Variants in CLSPN observed in about 807,000 individuals in gnomAD.
The protein encoded by CLSPN is claspin homolog.
In CLSPN, 85 loss-of-function variants were observed where a neutral mutation model predicts 156.3. That is an observed-to-expected ratio of 0.54 (90% CI 0.46 to 0.65). The LOEUF (loss-of-function observed/expected upper bound fraction) is 0.65. CLSPN is among the 30% of genes least tolerant of loss of function. The pLI is 0.00. For synonymous variants in CLSPN, 534 were observed against 542.4 expected (o/e 0.98, Z 0.22); for missense variants, 1,407 against 1,554.9 (o/e 0.90, Z 1.60).
intron 10 of CLSPN, among the ~76,000 whole-genome samples, chr1:35,750,264 G>A (rs1344368563): frequency 5.9e-5 from 9 of 151,900 alleles, no homozygotes; most frequent in Admixed American, 2.6e-4. Context: ...AGGCCACAAC[G>A]ATGGGAGGAT....
chr1:35,763,948 G>A (rs944202673), intron 3 of CLSPN, among the ~76,000 whole-genome samples: 54 of 151,630 alleles, frequency 3.6e-4, no homozygotes, highest in Non-Finnish European at 1.2e-4. Context: ...CTGGGACTAC[G>A]GCCACCACAC....
intron 24 of CLSPN, among the ~76,000 whole-genome samples, chr1:35,722,253 C>CTTT (rs568124252): frequency 1.3e-4 from 16 of 124,650 alleles, no homozygotes; most frequent in East Asian, 7.9e-4. Flanking sequence ...CTAGTTATTC[C>CTTT]TTTTTTTTTT....
In CLSPN at chr1:35,732,125, G is replaced by A; in HGVS notation, c.*4371C>T. ...AAACAGAGGCTCTGAAAGGTGTAGTGTTATTTATTCAAACTGTGGTAGGCA... is the reference window on the plus strand; with the variant it reads ...AAACAGAGGCTCTGAAAGGTGTAGTATTATTTATTCAAACTGTGGTAGGCA... On this transcript the variant is annotated 3_prime_UTR_variant, in exon 25 of 25. Coordinates refer to ENST00000318121, the MANE Select transcript of CLSPN (RefSeq NM_022111.4). 1.0e-6 allele frequency: 1 copy of A among 979,368 alleles called. No individual in the cohort carries two copies. The highest frequency in any genetic ancestry group is 1.2e-6 in the Non-Finnish European group (1 of 824,422). The allele number at this position is 979,368 out of a possible 1,614,324, so 60.7% of individuals were successfully genotyped here. A position where few individuals can be genotyped will look rare whatever the true frequency, so the allele number is the denominator to read the frequency against.
At chr1:35,728,077 C>CTTTTTTTTTTTTTTTTTTTTTTTTTTT (rs59275877), downstream of CLSPN, among the ~76,000 whole-genome samples, 1 of 103,982 alleles carries the variant, frequency 9.6e-6, no homozygotes, top group Non-Finnish European at 1.9e-5. Flanking sequence ...AAACCACAAG[C>CTTTTTTTTTTTTTTTTTTTTTTTTTTT]TTTTTTTTTT....
rs777968894 is a variant in CLSPN at position 35,748,409 on chromosome 1, G to A, written c.2468C>T (p.Ser823Phe). 8.7e-6 allele frequency: 14 copies of A among 1,613,580 alleles called. No homozygotes were observed. In the African/African-American group the frequency reaches 1.6e-4, roughly 18 times the overall value. The change falls in exon 13 of 25, where the codon TCT (serine) becomes TTT (phenylalanine). Residue 823 changes from serine (S) to phenylalanine (F), a missense_variant. Ser to Phe is a radical substitution (Grantham distance 155). Around this residue, in one of 3 missense-constraint regions of CLSPN, gnomAD observed 1,096 missense variants for 1,193.0 expected, o/e 0.92. Coordinates refer to ENST00000318121, the MANE Select transcript of CLSPN (RefSeq NM_022111.4). ...LFRASLVSSA[S>F]KSSGKLSEPS... ...GAAAAACCATTACCATCTTACCTTA[G>A]AAGCTGAGCTGACCAAACTGGCTCG... is the stretch of plus-strand genomic sequence containing the variant.
At chr1:35,720,765 G>T (rs1312446685) in exon 25 of CLSPN, 4 of 618,688 alleles carry the variant, frequency 6.5e-6, no homozygotes, top group Non-Finnish European at 1.1e-5. Flanking sequence ...ACTCCTAAAG[G>T]CTCTCAGCTT....
intron 16 of CLSPN, 43 bp downstream of exon 16, chr1:35,745,408 A>C (rs766602658): frequency 5.2e-6 from 7 of 1,355,470 alleles, no homozygotes; most frequent in Non-Finnish European, 7.4e-6. Context: ...TGATTTTATC[A>C]AAAGGCCAGG....
At position 35,734,934 on chromosome 1, in the gene CLSPN, G is replaced by T; in HGVS notation, c.*1562C>A. 1.0e-6 allele frequency: 1 copy of T among 985,426 alleles called. No homozygotes were observed. The highest frequency in any genetic ancestry group is 1.2e-6 in the Non-Finnish European group (1 of 829,910). The allele number at this position is 985,426 out of a possible 1,614,324, so 61.0% of individuals were successfully genotyped here. On this transcript the variant is annotated 3_prime_UTR_variant, in exon 25 of 25. Coordinates refer to ENST00000318121, the MANE Select transcript of CLSPN (RefSeq NM_022111.4). ...ATTTGTCTAAAATTCTGAGAAGCTT[G>T]TGGTAGTTCAGGGAAAATGGAGAAT...
Position 35,735,903 on chromosome 1 carries a change from C to A in CLSPN, c.*593G>T. On this transcript the variant is annotated 3_prime_UTR_variant, in exon 25 of 25. Transcript: ENST00000318121. ...CCAGAAAGCTGCTACAATAAAATGTCAAATGTCTAATGGAGGAAGTGAAAC... is the reference window on the plus strand; with the variant it reads ...CCAGAAAGCTGCTACAATAAAATGTAAAATGTCTAATGGAGGAAGTGAAAC... The A allele has an allele frequency of 1.0e-6, 1 of 985,164 alleles. No homozygotes were observed. The highest frequency in any genetic ancestry group is 1.2e-6 in the Non-Finnish European group (1 of 829,866). The allele number at this position is 985,164 out of a possible 1,614,324, so 61.0% of individuals were successfully genotyped here.
At chr1:35,730,149 A>C (rs189129859), downstream of CLSPN, among the ~76,000 whole-genome samples, 1 of 152,356 alleles carries the variant, frequency 6.6e-6, no homozygotes, top group African/African-American at 2.4e-5. Context: ...ATTTTTCAAC[A>C]AAACGGATAT....
intron 17 of CLSPN, 28 bp downstream of exon 17, chr1:35,743,427 A>G (rs1440112184): frequency 6.3e-7 from 1 of 1,581,442 alleles, no homozygotes; most frequent in South Asian, 1.1e-5. Flanking sequence ...GAGCTCAGTT[A>G]TGATTACTTT....
rs1369136826 is a variant in CLSPN at position 35,733,732 on chromosome 1, T to G, written c.*2764A>C. ...GGTGGCTGAGCCTGTGACCCCAGCA[T>G]TTTGGGAGGCCAAGGTGGGAGGATT... On this transcript the variant is annotated 3_prime_UTR_variant, in exon 25 of 25. Coordinates refer to ENST00000318121, the MANE Select transcript of CLSPN (RefSeq NM_022111.4). 1.0e-6 allele frequency: 1 copy of G among 979,510 alleles called. No homozygotes were observed. Among genetic ancestry groups the G allele is most frequent in the Non-Finnish European group, 1.2e-6 (1 of 824,840 alleles). The allele number at this position is 979,510 out of a possible 1,614,324, so 60.7% of individuals were successfully genotyped here.
chr1:35,755,231 C>G (rs898442986), intron 8 of CLSPN, among the ~76,000 whole-genome samples: 2 of 151,948 alleles, frequency 1.3e-5, no homozygotes, highest in Non-Finnish European at 2.9e-5. Context: ...CCTGAGATAG[C>G]CAGGACTATA....
In CLSPN at chr1:35,751,370, TTCCTCTTCCTCC is replaced by T. The variant is rs1323752106; in HGVS notation, c.1896_1907del (p.Glu634_Glu637del). On this transcript the variant is annotated inframe_deletion, in exon 10 of 25. Coordinates refer to ENST00000318121, the MANE Select transcript of CLSPN (RefSeq NM_022111.4). ...CTTCCTCAGACTCATCTGTCATTTC[TTCCTCTTCCTCC>T]TCCTCTTCCTCAAACCCATCTTCAT... 14 of 1,610,280 alleles carry T rather than the reference TTCCTCTTCCTCC, an allele frequency of 8.7e-6. No individual in the cohort carries two copies. Among genetic ancestry groups the T allele is most frequent in the Middle Eastern group, 1.6e-4 (1 of 6,076 alleles).
Position 35,767,754 on chromosome 1 carries a change from G to A in CLSPN, c.24+2093C>T, listed in dbSNP as rs74064289. Among the ~76,000 whole-genome samples, 230 of 152,238 alleles carry A rather than the reference G, an allele frequency of 1.5e-3. 2 individuals are homozygous for A. The highest frequency in any genetic ancestry group is 5.2e-3 in the African/African-American group (215 of 41,538). ...CCAAAATGAATCTGAAATTCAAAAC[G>A]CTTCTGGTCCCAAGCATTTCAGACG... On this transcript the variant is annotated intron_variant, in intron 1 of 24. Coordinates refer to ENST00000318121, the MANE Select transcript of CLSPN (RefSeq NM_022111.4).
At position 35,747,967 on chromosome 1, in the gene CLSPN, G is replaced by C. The variant is rs1213116123; in HGVS notation, c.2567C>G (p.Ala856Gly). ...TTCTAAACAGAACTGGAAGTCTCCTGCTCCTAGGAAAAGTGTCTTAGGCTC... is the reference window on the plus strand; with the variant it reads ...TTCTAAACAGAACTGGAAGTCTCCTCCTCCTAGGAAAAGTGTCTTAGGCTC... ...SPEPKTLFLG[A>G]GDFQFCLEDD... Residue 856 changes from alanine to glycine, a missense_variant, in exon 14 of 25, where the codon GCA becomes GGA. Transcript: ENST00000318121. 10 of 1,614,074 alleles carry C rather than the reference G, an allele frequency of 6.2e-6. No homozygotes were observed. The highest frequency in any genetic ancestry group is 2.7e-5 in the African/African-American group (2 of 74,926).
At chr1:35,769,825 G>C (rs942775752) in intron 1 of CLSPN, 22 bp downstream of exon 1, 2 of 1,592,298 alleles carry the variant, frequency 1.3e-6, no homozygotes, top group Admixed American at 1.7e-5. Flanking sequence ...AGCCCCCGTG[G>C]GGGGCGTGTG....
intron 1 of CLSPN, 115 bp downstream of exon 1, chr1:35,769,732 G>A (rs892346659): frequency 8.0e-6 from 8 of 1,005,260 alleles, no homozygotes; most frequent in East Asian, 2.9e-5. Context: ...CGAACGCCGG[G>A]AGCCGCAGTC....
chr1:35,743,182 TTCA>T lies in CLSPN; in HGVS notation c.3099_3101del (p.Asp1033del). 6.2e-7 allele frequency: 1 copy of T among 1,614,154 alleles called. No individual in the cohort carries two copies. The highest frequency in any genetic ancestry group is 1.3e-5 in the African/African-American group (1 of 75,062). ...TCTCAGATCGCTTCAGGAGTTCTTC[TTCA>T]TCATCATCTTCATGGTCTTCCAGTG... On this transcript the variant is annotated inframe_deletion, in exon 18 of 25. Coordinates refer to ENST00000318121, the MANE Select transcript of CLSPN (RefSeq NM_022111.4).
Sources: gnomAD v4.1 joint callset for allele counts (sites outside exome capture counted in the v4.1 genomes callset) on GRCh38, gnomAD v4.1.1 for gene constraint, gnomAD v4.1.1 regional missense constraint, MANE v1.5 for transcripts, NCBI Gene and HGNC (gene_info 2026-07-23, HGNC 2026-07-21) for gene names.